The following UBE2G1 variants were observed in gnomAD, a reference collection of about 807,000 sequenced individuals.
UBE2G1 encodes the protein ubiquitin-conjugating enzyme E2 G1.
A neutral mutation model predicts 22.7 loss-of-function variants in UBE2G1; 5 were observed. The ratio of observed to expected loss-of-function variants is 0.22; its 90% CI spans 0.12 to 0.46. UBE2G1 has a LOEUF of 0.46. UBE2G1 is among the 20% of genes least tolerant of loss of function. UBE2G1 has a pLI of 0.99. For synonymous variants in UBE2G1, 74 were observed against 67.5 expected (o/e 1.10, Z -0.47); for missense variants, 88 against 203.9 (o/e 0.43, Z 3.46).
intron 1 of UBE2G1, among the ~76,000 whole-genome samples, chr17:4,307,350 A>G (rs182977693): frequency 2.0e-5 from 3 of 152,310 alleles, no homozygotes; most frequent in Admixed American, 2.0e-4. Context: ...ACTGGTATCC[A>G]GCCAGGCTCT....
chr17:4,351,237 T>C (rs1969842009), intron 1 of UBE2G1, among the ~76,000 whole-genome samples: 1 of 152,098 alleles, frequency 6.6e-6, no homozygotes, highest in East Asian at 1.9e-4. Flanking sequence ...ATGTAAGAAC[T>C]CACTGTACTA....
intron 1 of UBE2G1, among the ~76,000 whole-genome samples, chr17:4,330,955 T>C (rs532379565): frequency 2.7e-4 from 36 of 135,702 alleles, no homozygotes; most frequent in South Asian, 1.6e-3. Flanking sequence ...GGCAAATAAT[T>C]ACTCTTATAA....
intron 4 of UBE2G1, among the ~76,000 whole-genome samples, chr17:4,284,819 CTTTTCTTTTCTTTTCTTTCTTTTT>C (rs1968939930): frequency 8.8e-5 from 5 of 56,656 alleles, no homozygotes; most frequent in Non-Finnish European, 1.6e-4. Context: ...TTTTCTTTTT[CTTTTCTTTTCTTTTCTTTCTTTTT>C]TTTTTTTTTT....
rs140229922 is a variant in UBE2G1, at chr17:4,342,223, C to T, written c.46+24048G>A. Among the ~76,000 whole-genome samples, 470 of 152,316 alleles carry T rather than the reference C, an allele frequency of 3.1e-3. 3 individuals carry two copies. Among genetic ancestry groups the T allele is most frequent in the African/African-American group, 0.011 (440 of 41,580 alleles). ...CCCCTGATTATCTCTCCTTGTCCTG[C>T]GTCTTTCTTTTCCATTTCAGTTAAT... On this transcript the variant is annotated intron_variant, in intron 1 of 5. Coordinates refer to ENST00000396981, the MANE Select transcript of UBE2G1 (RefSeq NM_003342.5).
chr17:4,275,555 A>G (rs993291322), intron 5 of UBE2G1, among the ~76,000 whole-genome samples: 1 of 152,210 alleles, frequency 6.6e-6, no homozygotes, highest in African/African-American at 2.4e-5. Context: ...CTAAAACTAG[A>G]GTCGTCTTTA....
At chr17:4,358,893 G>A (rs750046851) in intron 1 of UBE2G1, among the ~76,000 whole-genome samples, 17 of 151,902 alleles carry the variant, frequency 1.1e-4, no homozygotes, top group South Asian at 4.1e-4. Flanking sequence ...AAGAAGTTGC[G>A]GTGAGCCGAG....
intron 2 of UBE2G1, among the ~76,000 whole-genome samples, chr17:4,298,325 G>T (rs1043805181): frequency 6.6e-6 from 1 of 151,986 alleles, no homozygotes; most frequent in African/African-American, 2.4e-5. Flanking sequence ...AAAAAGAAAA[G>T]AAAGGAAAGA....
At chr17:4,364,021 T>G (rs1455846846) in intron 1 of UBE2G1, 1 of 148,396 alleles carries the variant, frequency 6.7e-6, no homozygotes. Context: ...TCCCAATACT[T>G]TGGGAGGCCC....
chr17:4,328,088 G>A lies in UBE2G1; in HGVS notation c.47-20965C>T, dbSNP rs8082123. ...AAAGAAAGAGAGCAGAAATAACTCC[G>A]AATGGATCACCAAAATTTCTTAGTT... On this transcript the variant is annotated intron_variant, in intron 1 of 5. Coordinates refer to ENST00000396981, the MANE Select transcript of UBE2G1 (RefSeq NM_003342.5). Among the ~76,000 whole-genome samples, 1,285 of 152,148 alleles carry A rather than the reference G, an allele frequency of 8.4e-3. 9 individuals carry two copies. Among genetic ancestry groups the A allele is most frequent in the Middle Eastern group, 0.02 (6 of 294 alleles).
chr17:4,353,217 C>G (rs780461358), intron 1 of UBE2G1, among the ~76,000 whole-genome samples: 5 of 151,708 alleles, frequency 3.3e-5, no homozygotes, highest in Admixed American at 6.6e-5. Context: ...GACTCCATCT[C>G]GAAAACAACA....
chr17:4,274,921 C>T (rs1412386818), intron 5 of UBE2G1, among the ~76,000 whole-genome samples: 1 of 2,012 alleles, frequency 5.0e-4, no homozygotes, highest in Non-Finnish European at 0.01. Flanking sequence ...CACGGTGGCA[C>T]ATGCCTGTGG....
intron 5 of UBE2G1, among the ~76,000 whole-genome samples, chr17:4,279,778 A>C (rs1319088660): frequency 7.8e-5 from 6 of 76,868 alleles, no homozygotes; most frequent in Admixed American, 3.0e-4. Flanking sequence ...CTGCCCCCAA[A>C]AAAAAGTTAT....
chr17:4,286,033 G>A (rs926746079), intron 4 of UBE2G1, among the ~76,000 whole-genome samples: 1 of 151,894 alleles, frequency 6.6e-6, no homozygotes, highest in African/African-American at 2.4e-5. Flanking sequence ...CCTGGAATAG[G>A]TACTGCAGAC....
rs1394203488 is a variant in UBE2G1 at position 4,294,455 on chromosome 17, G to GA, written c.247+2261dup. Among the ~76,000 whole-genome samples, 187 of 137,946 alleles carry GA rather than the reference G, an allele frequency of 1.4e-3. 1 individual carries two copies. The highest frequency in any genetic ancestry group is 5.1e-3 in the African/African-American group (174 of 34,204). The allele number at this position is 137,946 out of a possible 152,430, so 90.5% of individuals were successfully genotyped here. On this transcript the variant is annotated intron_variant, in intron 3 of 5. Transcript: ENST00000396981. Reference sequence around the variant, plus strand: ...AAAAAAAAAAAGAAAGAAACGAAAAGAAAAGAAAAGAAAAAAAAGTCTCTT... The same window carrying GA: ...AAAAAAAAAAAGAAAGAAACGAAAAGAAAAAGAAAAGAAAAAAAAGTCTCTT...
At chr17:4,305,698 T>A (rs1969242082) in intron 2 of UBE2G1, among the ~76,000 whole-genome samples, 1 of 152,014 alleles carries the variant, frequency 6.6e-6, no homozygotes. Context: ...CCCGCCACCA[T>A]GCCCAGCTAA....
Position 4,269,460 on chromosome 17 carries a change from A to G in UBE2G1, c.*3094T>C, listed in dbSNP as rs1005053507. ...GTGGCAGTACAAAAAAGGTAATTCCACCAACTGGAGACCAGACGGGCAAAG... is the reference window on the plus strand; with the variant it reads ...GTGGCAGTACAAAAAAGGTAATTCCGCCAACTGGAGACCAGACGGGCAAAG... On this transcript the variant is annotated 3_prime_UTR_variant, in exon 6 of 6. Transcript: ENST00000396981. 2 of 178,496 alleles carry G rather than the reference A, an allele frequency of 1.1e-5. No homozygotes were observed. Among genetic ancestry groups the G allele is most frequent in the African/African-American group, 2.4e-5 (1 of 41,560 alleles). 11.1% of individuals were successfully genotyped at this position (178,496 alleles called of 1,614,324 possible). A position where few individuals can be genotyped will look rare whatever the true frequency, so the allele number is the denominator to read the frequency against.
chr17:4,272,657 G>A (rs1968774893), intron 5 of UBE2G1, 141 bp from the exon 6 acceptor site: 2 of 186,120 alleles, frequency 1.1e-5, no homozygotes, highest in Non-Finnish European at 2.3e-5. Flanking sequence ...TATCTATTAT[G>A]GTAGCTCACA....
rs555406620 is a variant in UBE2G1 at position 4,307,050 on chromosome 17, G to C, written c.120C>G (p.Val40=). The C allele has an allele frequency of 1.9e-6, 3 of 1,613,792 alleles. No individual in the cohort carries two copies. In the African/African-American group the frequency reaches 4.0e-5, roughly 22 times the overall value. Residue 40 remains valine, a synonymous_variant, in exon 2 of 6, where the codon GTC becomes GTG. Transcript: ENST00000396981. ...GTGTATCTGGAGGGCCAATAATAAG[G>C]ACTTCCCATCGGTAGAGATCATTGT... ...IDDNDLYRWE[V]LIIGPPDTLY...
At chr17:4,310,380 T>C (rs1274269874) in intron 1 of UBE2G1, among the ~76,000 whole-genome samples, 1 of 152,006 alleles carries the variant, frequency 6.6e-6, no homozygotes, top group Admixed American at 6.6e-5. Flanking sequence ...GAAGGGCACA[T>C]AACATAATCA....
Sources: gnomAD v4.1 joint callset for allele counts (sites outside exome capture counted in the v4.1 genomes callset) on GRCh38, gnomAD v4.1.1 for gene constraint, MANE v1.5 for transcripts, NCBI Gene and HGNC (gene_info 2026-07-23, HGNC 2026-07-21) for gene names.